Variants in TLN2 observed in about 807,000 individuals in gnomAD.
TLN2 encodes talin-2.
In TLN2, 118 loss-of-function variants were observed where a neutral mutation model predicts 294.7. The observed-to-expected ratio is 0.40, with a 90% confidence interval of 0.34 to 0.47. The LOEUF (loss-of-function observed/expected upper bound fraction) is 0.47, where lower values mean the gene tolerates loss of function less well. Among genes scored for constraint, TLN2 ranks in the 20% least tolerant of loss-of-function variants. The probability of loss-of-function intolerance (pLI) is 0.84; values close to 1 mark genes in which losing one functional copy is unlikely to be tolerated. For synonymous variants in TLN2, 1,431 were observed against 1,304.5 expected (o/e 1.10, Z -2.09); for missense variants, 3,083 against 3,282.2 (o/e 0.94, Z 1.48).
chr15:62,725,658 C>T (rs2140929335), intron 27 of TLN2, among the ~76,000 whole-genome samples: 1 of 152,282 alleles, frequency 6.6e-6, no homozygotes, highest in South Asian at 2.1e-4. Context: ...ATGTATTAAG[C>T]ACCTGTGAAG....
intron 25 of TLN2, among the ~76,000 whole-genome samples, chr15:62,720,987 G>A (rs1176650196): frequency 2.0e-5 from 3 of 152,144 alleles, no homozygotes; most frequent in Non-Finnish European, 4.4e-5. Context: ...TGGGAGGGGA[G>A]AGAGCCTGGA....
intron 1 of TLN2, among the ~76,000 whole-genome samples, chr15:62,588,350 A>G (rs2045793725): frequency 6.6e-6 from 1 of 151,868 alleles, no homozygotes; most frequent in Non-Finnish European, 1.5e-5. Context: ...GTTACTATAA[A>G]GAAATAAGGG....
intron 45 of TLN2, among the ~76,000 whole-genome samples, chr15:62,791,129 C>T (rs920359103): frequency 2.0e-5 from 3 of 151,982 alleles, no homozygotes; most frequent in African/African-American, 4.8e-5. Flanking sequence ...GACGGATCAC[C>T]TGAGGTCAGG....
At chr15:62,571,276 C>T (rs1376326621) in intron 1 of TLN2, among the ~76,000 whole-genome samples, 3 of 152,138 alleles carry the variant, frequency 2.0e-5, no homozygotes, top group East Asian at 1.9e-4. Flanking sequence ...ATCACTCCTG[C>T]GAGTCAGTCC....
rs1048593912 is a variant in TLN2, at chr15:62,701,334, A to G, written c.1696+120A>G. The stretch of plus-strand genomic sequence containing the variant: ...ACAATAGACTTTATATTATGAGAGG[A>G]TAGTCTAAGGCACTTTTAGTGCTGT... On this transcript the variant is annotated intron_variant, in intron 17 of 58. Transcript: ENST00000636159. 2.5e-5 allele frequency: 22 copies of G among 890,784 alleles called. No individual in the cohort carries two copies. In the Admixed American group the frequency reaches 4.6e-4, roughly 19 times the overall value. 55.2% of individuals were successfully genotyped at this position (890,784 alleles called of 1,614,324 possible).
At chr15:62,613,453 G>A (rs528217075) in intron 2 of TLN2, among the ~76,000 whole-genome samples, 1 of 152,248 alleles carries the variant, frequency 6.6e-6, no homozygotes, top group Non-Finnish European at 1.5e-5. Flanking sequence ...TGGAGTAAAT[G>A]GAACTCATGT....
At chr15:62,746,127 T>C (rs2061595285) in intron 32 of TLN2, among the ~76,000 whole-genome samples, 1 of 151,296 alleles carries the variant, frequency 6.6e-6, no homozygotes. Context: ...TAGTTTTCAA[T>C]GGAAGAAACT....
intron 45 of TLN2, among the ~76,000 whole-genome samples, chr15:62,791,177 T>G (rs1489598765): frequency 7.7e-6 from 1 of 129,734 alleles, no homozygotes; most frequent in Non-Finnish European, 1.7e-5. Flanking sequence ...TGAAACCCCG[T>G]CTCTACTAAA....
intron 42 of TLN2, among the ~76,000 whole-genome samples, chr15:62,772,293 A>G (rs2063393654): frequency 6.6e-6 from 1 of 152,082 alleles, no homozygotes. Context: ...TTTTTCATTC[A>G]TGTACTTGGC....
chr15:62,489,133 C>G (rs2038570543), intron 1 of TLN2, among the ~76,000 whole-genome samples: 1 of 152,116 alleles, frequency 6.6e-6, no homozygotes, highest in South Asian at 2.1e-4. Context: ...TGCACTCCAG[C>G]CTGGGTGACA....
intron 45 of TLN2, among the ~76,000 whole-genome samples, chr15:62,787,096 A>G (rs1046583648): frequency 6.6e-6 from 1 of 151,288 alleles, no homozygotes; most frequent in Non-Finnish European, 1.5e-5. Context: ...AGGTCTCACT[A>G]TGTTGCCCAG....
chr15:62,694,803 A>C (rs2058207419), intron 14 of TLN2, among the ~76,000 whole-genome samples: 1 of 152,166 alleles, frequency 6.6e-6, no homozygotes, highest in Admixed American at 6.5e-5. Flanking sequence ...GTTACGGTGA[A>C]GCACTGCTGC....
chr15:62,473,363 T>G (rs898055190), intron 1 of TLN2, among the ~76,000 whole-genome samples: 8 of 151,814 alleles, frequency 5.3e-5, no homozygotes, highest in African/African-American at 1.9e-4. Flanking sequence ...TTTTTTTAAG[T>G]GCTCGATTTC....
intron 2 of TLN2, among the ~76,000 whole-genome samples, chr15:62,591,309 GGT>G (rs2046059185): frequency 6.6e-6 from 1 of 152,158 alleles, no homozygotes; most frequent in African/African-American, 2.4e-5. Flanking sequence ...TCTGAGAACT[GGT>G]GTTTGGGAAA....
chr15:62,621,752 G>A (rs935200504), intron 3 of TLN2, among the ~76,000 whole-genome samples: 2 of 152,086 alleles, frequency 1.3e-5, no homozygotes, highest in Non-Finnish European at 2.9e-5. Flanking sequence ...TGGCGGGATT[G>A]GCCCAATATA....
chr15:62,822,022 G>A (rs185663379), intron 54 of TLN2, among the ~76,000 whole-genome samples: 9 of 152,260 alleles, frequency 5.9e-5, no homozygotes, highest in African/African-American at 1.4e-4. Flanking sequence ...TGACACATTC[G>A]TTCTCCTGGA....
intron 1 of TLN2, among the ~76,000 whole-genome samples, chr15:62,479,562 C>A (rs900811554): frequency 2.0e-5 from 3 of 152,076 alleles, no homozygotes; most frequent in African/African-American, 7.2e-5. Flanking sequence ...CTGCAACCTC[C>A]GCCTCCTGGG....
At chr15:62,456,808 C>T (rs545709726) in intron 1 of TLN2, among the ~76,000 whole-genome samples, 1 of 152,238 alleles carries the variant, frequency 6.6e-6, no homozygotes, top group South Asian at 2.1e-4. Flanking sequence ...CTCTTCCATC[C>T]GTTGTCTCAC....
chr15:62,834,365 T>A (rs1162944910), intron 55 of TLN2: 1 of 152,086 alleles, frequency 6.6e-6, no homozygotes, highest in Non-Finnish European at 1.5e-5. Flanking sequence ...CGTTCGTGGG[T>A]TTGGGAAATG....
Sources: gnomAD v4.1 joint callset for allele counts (sites outside exome capture counted in the v4.1 genomes callset) on GRCh38, gnomAD v4.1.1 for gene constraint, MANE v1.5 for transcripts, NCBI Gene and HGNC (gene_info 2026-07-23, HGNC 2026-07-21) for gene names.